EYS: variants seen among roughly 807,000 people sequenced by gnomAD.
EYS encodes the protein protein eyes shut homolog.
EYS carries 250 observed loss-of-function variants against 282.1 expected under a neutral mutation model. That is an observed-to-expected ratio of 0.89 (90% CI 0.80 to 0.98). The LOEUF (loss-of-function observed/expected upper bound fraction) is 0.98. EYS is among the 50% of genes least tolerant of loss of function. EYS has a pLI of 0.00. For synonymous variants in EYS, 1,355 were observed against 1,282.9 expected (o/e 1.06, Z -1.20); for missense variants, 4,016 against 3,709.0 (o/e 1.08, Z -2.15).
chr6:64,527,104 T>C (rs545196662), intron 26 of EYS, among the ~76,000 whole-genome samples: 1 of 151,906 alleles, frequency 6.6e-6, no homozygotes, highest in African/African-American at 2.4e-5. Flanking sequence ...AGGAGATAAA[T>C]AGAAATATCT....
chr6:65,478,959 T>G (rs1389825131), intron 5 of EYS, among the ~76,000 whole-genome samples: 1 of 152,052 alleles, frequency 6.6e-6, no homozygotes, highest in Non-Finnish European at 1.5e-5. Flanking sequence ...AAAAATAGAA[T>G]GCATGAGTAA....
At chr6:63,999,993 C>T (rs763576753) in intron 33 of EYS, among the ~76,000 whole-genome samples, 39 of 151,930 alleles carry the variant, frequency 2.6e-4, no homozygotes, top group Admixed American at 2.2e-3. Context: ...CAAATATGTT[C>T]GCTGATATTA....
chr6:64,630,438 G>A (rs972869667), intron 22 of EYS, among the ~76,000 whole-genome samples: 1 of 152,016 alleles, frequency 6.6e-6, no homozygotes, highest in African/African-American at 2.4e-5. Context: ...TGGAAATTAA[G>A]TTTTGTCAAG....
At chr6:65,224,950 C>T (rs1030142748) in intron 12 of EYS, among the ~76,000 whole-genome samples, 2 of 151,964 alleles carry the variant, frequency 1.3e-5, no homozygotes, top group Non-Finnish European at 2.9e-5. Flanking sequence ...AAACACAAGA[C>T]GAGATGGCCA....
At chr6:64,559,664 T>C (rs1382302631) in intron 26 of EYS, among the ~76,000 whole-genome samples, 1 of 152,166 alleles carries the variant, frequency 6.6e-6, no homozygotes, top group African/African-American at 2.4e-5. Context: ...TATTGATTCT[T>C]TGTTAAAAAT....
intron 36 of EYS, chr6:63,821,738 C>G (rs1159894519): frequency 6.6e-6 from 1 of 152,198 alleles, no homozygotes; most frequent in African/African-American, 2.4e-5. Context: ...GATCACTCAG[C>G]AAGGAAAGCT....
At chr6:63,899,964 T>C (rs1161545130) in intron 35 of EYS, among the ~76,000 whole-genome samples, 1 of 152,210 alleles carries the variant, frequency 6.6e-6, no homozygotes, top group African/African-American at 2.4e-5. Context: ...ATAGCATAAG[T>C]TTGTAAGAAT....
chr6:64,947,422 A>G (rs1769323364), intron 14 of EYS, among the ~76,000 whole-genome samples: 1 of 151,838 alleles, frequency 6.6e-6, no homozygotes, highest in Non-Finnish European at 1.5e-5. Context: ...TTTCCATGCT[A>G]GGTATTAATA....
At chr6:65,429,975 C>G (rs980682010) in intron 5 of EYS, among the ~76,000 whole-genome samples, 1 of 152,068 alleles carries the variant, frequency 6.6e-6, no homozygotes, top group African/African-American at 2.4e-5. Context: ...TCATAATAAC[C>G]TATCAGATAG....
intron 2 of EYS, among the ~76,000 whole-genome samples, chr6:65,586,802 G>A (rs1354436773): frequency 1.3e-5 from 2 of 152,020 alleles, no homozygotes; most frequent in African/African-American, 2.4e-5. Flanking sequence ...TCTATTACAA[G>A]CAAGTCTAAA....
intron 36 of EYS, among the ~76,000 whole-genome samples, chr6:63,830,550 G>A (rs1475234475): frequency 6.6e-6 from 1 of 152,196 alleles, no homozygotes; most frequent in African/African-American, 2.4e-5. Context: ...AAGCCTCCAA[G>A]AAATATGGGA....
intron 35 of EYS, among the ~76,000 whole-genome samples, chr6:63,895,126 T>A (rs553461942): frequency 7.2e-6 from 1 of 138,464 alleles, no homozygotes; most frequent in Admixed American, 7.8e-5. Flanking sequence ...TTGCCTTTCA[T>A]TAAACATGCA....
intron 2 of EYS, among the ~76,000 whole-genome samples, chr6:65,609,853 A>G (rs1414044048): frequency 6.6e-6 from 1 of 152,136 alleles, no homozygotes; most frequent in East Asian, 1.9e-4. Flanking sequence ...TATAGGCCAC[A>G]TATCATGTGT....
At chr6:65,213,960 A>G (rs9445484) in intron 12 of EYS, among the ~76,000 whole-genome samples, 2 of 151,932 alleles carry the variant, frequency 1.3e-5, no homozygotes, top group African/African-American at 4.8e-5. Context: ...GGAGACAGAG[A>G]CCATCCTGGC....
chr6:64,117,336 C>A (rs574240451), intron 31 of EYS, among the ~76,000 whole-genome samples: 3 of 150,228 alleles, frequency 2.0e-5, no homozygotes, highest in South Asian at 2.1e-4. Flanking sequence ...CAACCCCCCC[C>A]CCAATTAGTA....
At chr6:64,751,306 A>G (rs1772746060) in intron 22 of EYS, among the ~76,000 whole-genome samples, 1 of 152,126 alleles carries the variant, frequency 6.6e-6, no homozygotes, top group South Asian at 2.1e-4. Context: ...CCACACTTAG[A>G]TATCTCTCCA....
rs151222330 is a variant in EYS, at chr6:63,774,194, G to A, written c.7898+3812C>T. Among the ~76,000 whole-genome samples the A allele has an allele frequency of 3.9e-4, 59 of 150,268 alleles. No individual in the cohort carries two copies. The East Asian group carries it at 0.01, about 26-fold the overall frequency. On this transcript the variant is annotated intron_variant, in intron 40 of 42. Coordinates refer to ENST00000503581, the MANE Select transcript of EYS (RefSeq NM_001142800.2). ...CTTTTCTTTTTTTTTTTCAGATGGA[G>A]TTCCCCTCTTGTCATCCAGGCTGGA...
intron 29 of EYS, among the ~76,000 whole-genome samples, chr6:64,357,689 A>G (rs626316): frequency 0.75 from 114,067 of 151,406 alleles, 43,585 homozygotes; most frequent in African/African-American, 0.89. Context: ...GGGACAGAGA[A>G]CAAGTTTTGG....
In EYS at chr6:64,064,577, A is replaced by C. The variant is rs758576234; in HGVS notation, c.6725+1761T>G. Among the ~76,000 whole-genome samples, 6 of 152,152 alleles carry C rather than the reference A, an allele frequency of 3.9e-5. No homozygotes were observed. In the South Asian group the frequency reaches 1.2e-3, roughly 32 times the overall value. ...CTTAAGTTTTGATAAAATTAATCTA[A>C]ACACTTGGAAAGTCCTTTTCAGTTT... On this transcript the variant is annotated intron_variant, in intron 33 of 42. Coordinates refer to ENST00000503581, the MANE Select transcript of EYS (RefSeq NM_001142800.2).
Sources: allele counts gnomAD v4.1 joint callset (sites outside exome capture counted in the v4.1 genomes callset), GRCh38; gene constraint gnomAD v4.1.1; transcripts MANE v1.5; gene names NCBI Gene and HGNC (gene_info 2026-07-23, HGNC 2026-07-21).